Variants in RELCH observed in about 807,000 individuals in gnomAD.
RELCH encodes the protein RAB11 binding and LisH domain, coiled-coil and HEAT repeat containing, also known as RAB11-binding protein RELCH.
A neutral mutation model predicts 150.3 loss-of-function variants in RELCH; 41 were observed. The ratio of observed to expected loss-of-function variants is 0.27; its 90% confidence interval spans 0.21 to 0.35. The LOEUF is 0.35. Ranked by LOEUF, RELCH falls within the 10% of genes least tolerant of loss-of-function variation. RELCH has a pLI of 1.00. For missense variants in RELCH, 1,092 were observed against 1,467.8 expected, an observed-to-expected ratio of 0.74 and a Z score of 4.18; for synonymous variants, 478 against 531.8, an observed-to-expected ratio of 0.90 and a Z score of 1.39.
chr18:62,268,293 C>T (rs2144772361), intron 19 of RELCH, among the ~76,000 whole-genome samples: 1 of 152,096 alleles, frequency 6.6e-6, no homozygotes, highest in Non-Finnish European at 1.5e-5. Flanking sequence ...AAAGCAGTTA[C>T]AGGGCACAGA....
intron 5 of RELCH, among the ~76,000 whole-genome samples, chr18:62,223,313 C>A (rs577709910): frequency 6.6e-6 from 1 of 151,434 alleles, no homozygotes; most frequent in African/African-American, 2.4e-5. Flanking sequence ...ACAGATTTTA[C>A]TTATATTAGA....
intron 10 of RELCH, chr18:62,234,775 ATTGT>A (rs2041793407): frequency 1.3e-5 from 2 of 151,568 alleles, no homozygotes; most frequent in African/African-American, 4.8e-5. Flanking sequence ...TTTAAATTTG[ATTGT>A]TTATCTTCAT....
intron 1 of RELCH, among the ~76,000 whole-genome samples, chr18:62,199,254 G>A (rs2039262923): frequency 6.6e-6 from 1 of 151,654 alleles, no homozygotes; most frequent in South Asian, 2.1e-4. Context: ...CTGTACTTGA[G>A]GGGTTTTTTT....
chr18:62,244,998 A>G, intron 11 of RELCH, 122 bp downstream of exon 11: 2 of 642,336 alleles, frequency 3.1e-6, no homozygotes, highest in Admixed American at 2.3e-5. Context: ...CTATTTTAGC[A>G]GCGCTGGAGC....
intron 5 of RELCH, among the ~76,000 whole-genome samples, chr18:62,224,705 A>G (rs1019481151): frequency 6.6e-6 from 1 of 152,152 alleles, no homozygotes; most frequent in Admixed American, 6.6e-5. Flanking sequence ...GACAGCTTCT[A>G]CACTGAAAGC....
intron 12 of RELCH, among the ~76,000 whole-genome samples, chr18:62,253,674 G>A (rs552254926): frequency 6.6e-6 from 1 of 152,028 alleles, no homozygotes; most frequent in Non-Finnish European, 1.5e-5. Context: ...AGTTCTTTGG[G>A]CATTCATTTT....
intron 19 of RELCH, 86 bp from the exon 20 acceptor site, chr18:62,268,783 G>A (rs945366892): frequency 9.4e-6 from 6 of 639,416 alleles, no homozygotes; most frequent in Non-Finnish European, 1.5e-5. Flanking sequence ...GTAAACAGTT[G>A]TAATTTTAAA....
intron 1 of RELCH, among the ~76,000 whole-genome samples, chr18:62,192,920 A>G (rs1157834893): frequency 1.3e-5 from 2 of 152,198 alleles, no homozygotes; most frequent in Admixed American, 6.5e-5. Context: ...TCTATGAAGA[A>G]TGTCAATGGT....
intron 2 of RELCH, among the ~76,000 whole-genome samples, chr18:62,218,801 T>C (rs1453212532): frequency 1.3e-5 from 2 of 151,968 alleles, no homozygotes; most frequent in Non-Finnish European, 2.9e-5. Context: ...ATACATATCC[T>C]CAAATATTTT....
At chr18:62,265,820 T>A (rs2043529100) in intron 18 of RELCH, among the ~76,000 whole-genome samples, 1 of 152,002 alleles carries the variant, frequency 6.6e-6, no homozygotes, top group Non-Finnish European at 1.5e-5. Flanking sequence ...CATGAACCTT[T>A]TAACATTGGC....
intron 21 of RELCH, among the ~76,000 whole-genome samples, chr18:62,275,027 C>T (rs1600192935): frequency 6.6e-6 from 1 of 152,336 alleles, no homozygotes; most frequent in African/African-American, 2.4e-5. Flanking sequence ...AGCAATTCTC[C>T]TGCCTCAGCC....
Position 62,211,208 on chromosome 18 carries a change from T to C in RELCH, c.582T>C (p.Asp194=), listed in dbSNP as rs772190525. 2.5e-6 allele frequency: 4 copies of C among 1,610,196 alleles called. No individual in the cohort carries two copies. The highest frequency in any genetic ancestry group is 2.5e-6 in the Non-Finnish European group (3 of 1,176,840). Residue 194 remains aspartate, a synonymous_variant, in exon 2 of 29, where the codon GAT becomes GAC. Coordinates refer to ENST00000644646, the MANE Select transcript of RELCH (RefSeq NM_001346231.2). ...LDSLDFARYS[D]DGNRETDEKV... ...CTTTAGACTTTGCAAGATATTCAGA[T>C]GATGGTAACAGGGAAACAGATGAAA...
intron 11 of RELCH, among the ~76,000 whole-genome samples, chr18:62,250,200 A>C (rs9961817): frequency 0.06 from 9,165 of 152,180 alleles, 920 homozygotes; most frequent in African/African-American, 0.21. Context: ...ATTTTCTAAA[A>C]TTTTCAATAT....
intron 19 of RELCH, among the ~76,000 whole-genome samples, chr18:62,267,470 T>A (rs1466301388): frequency 7.0e-6 from 1 of 142,786 alleles, no homozygotes; most frequent in Non-Finnish European, 1.5e-5. Context: ...AATATATATA[T>A]AGTCTAGGTA....
intron 1 of RELCH, among the ~76,000 whole-genome samples, chr18:62,208,086 AG>A (rs1415185860): frequency 1.3e-5 from 2 of 152,114 alleles, no homozygotes; most frequent in Non-Finnish European, 2.9e-5. Flanking sequence ...ACAACCATCT[AG>A]TTGATTTGAA....
chr18:62,241,213 C>T (rs552922090), intron 10 of RELCH, among the ~76,000 whole-genome samples: 3 of 152,260 alleles, frequency 2.0e-5, no homozygotes, highest in South Asian at 4.1e-4. Context: ...TATTTTCCTA[C>T]TTTGTCTAAT....
intron 12 of RELCH, 53 bp from the exon 13 acceptor site, chr18:62,255,354 A>G: frequency 8.6e-7 from 1 of 1,157,058 alleles, no homozygotes; most frequent in Non-Finnish European, 1.3e-6. Context: ...TCTCTTTTGA[A>G]GGAAGGGAGG....
intron 1 of RELCH, among the ~76,000 whole-genome samples, chr18:62,195,308 GTGTGTA>G (rs759031925): frequency 1.6e-3 from 242 of 151,976 alleles, no homozygotes; most frequent in African/African-American, 5.3e-3. Flanking sequence ...GTGTGTGTGT[GTGTGTA>G]TACACTGTAT....
intron 8 of RELCH, 138 bp downstream of exon 8, chr18:62,228,736 A>G: frequency 1.6e-6 from 1 of 634,738 alleles, no homozygotes; most frequent in Non-Finnish European, 2.6e-6. Flanking sequence ...TGAACTTAAC[A>G]CATAGCAAAG....
Sources: allele counts gnomAD v4.1 joint callset (sites outside exome capture counted in the v4.1 genomes callset), GRCh38; gene constraint gnomAD v4.1.1; transcripts MANE v1.5; gene names NCBI Gene and HGNC (gene_info 2026-07-23, HGNC 2026-07-21).